Variants in LRRTM3 observed in about 807,000 individuals in gnomAD.
The protein encoded by LRRTM3 is leucine rich repeat transmembrane neuronal 3, also known as leucine-rich repeat transmembrane neuronal protein 3.
Under a neutral mutation model 44.7 loss-of-function variants are expected in LRRTM3, and 24 were observed. The ratio of observed to expected loss-of-function variants is 0.54; its 90% CI spans 0.39 to 0.76. LRRTM3 has a LOEUF of 0.76. LRRTM3 is among the 30% of genes least tolerant of loss of function. The pLI, the probability that LRRTM3 is intolerant of heterozygous loss-of-function variation, is 0.00. For missense variants in LRRTM3, 587 were observed against 702.2 expected (o/e 0.84, Z 1.85); for synonymous variants, 277 against 278.7 (o/e 0.99, Z 0.06).
chr10:66,952,760 G>A (rs375430928), intron 2 of LRRTM3, among the ~76,000 whole-genome samples: 8 of 151,784 alleles, frequency 5.3e-5, no homozygotes, highest in Non-Finnish European at 1.0e-4. Context: ...TCTTCTGCTT[G>A]GTTAGTGCTT....
Position 67,091,769 on chromosome 10 carries a change from G to A in LRRTM3, c.1537-5818G>A, listed in dbSNP as rs544995322. ...CATGGGACATTTGGAACAAGAGACAGGGAGTCAAAGTAGATGGGCAACAAG... is the reference window on the plus strand; with the variant it reads ...CATGGGACATTTGGAACAAGAGACAAGGAGTCAAAGTAGATGGGCAACAAG... On this transcript the variant is annotated intron_variant, in intron 2 of 2. Transcript: ENST00000361320. Among the ~76,000 whole-genome samples, 3 of 152,110 alleles carry A rather than the reference G, an allele frequency of 2.0e-5. No homozygotes were observed. In the East Asian group the frequency reaches 5.8e-4, roughly 30 times the overall value.
intron 2 of LRRTM3, among the ~76,000 whole-genome samples, chr10:66,931,092 G>A (rs1847361145): frequency 6.7e-6 from 1 of 148,502 alleles, no homozygotes; most frequent in South Asian, 2.2e-4. Context: ...ATTTGTATAA[G>A]TATTTCAAGT....
At chr10:66,931,713 G>T (rs1158141680) in intron 2 of LRRTM3, among the ~76,000 whole-genome samples, 1 of 151,952 alleles carries the variant, frequency 6.6e-6, no homozygotes, top group Non-Finnish European at 1.5e-5. Flanking sequence ...TGTAATTTTT[G>T]AATGTTATAC....
At chr10:66,984,604 T>C (rs1358168464) in intron 2 of LRRTM3, among the ~76,000 whole-genome samples, 3 of 152,182 alleles carry the variant, frequency 2.0e-5, no homozygotes, top group Admixed American at 2.0e-4. Flanking sequence ...AATGCGTTCA[T>C]GATTCCTTTT....
chr10:66,969,052 A>AAT (rs1035954702), intron 2 of LRRTM3, among the ~76,000 whole-genome samples: 47 of 151,980 alleles, frequency 3.1e-4, no homozygotes, highest in Non-Finnish European at 8.8e-5. Context: ...ATTATATGTA[A>AAT]ATATATATAT....
intron 2 of LRRTM3, among the ~76,000 whole-genome samples, chr10:67,005,605 T>C (rs1171483455): frequency 1.3e-5 from 2 of 150,280 alleles, no homozygotes; most frequent in African/African-American, 2.4e-5. Context: ...AAAAAAGGTA[T>C]GTGGTCTCAA....
chr10:67,097,292 C>T (rs1443836784), intron 2 of LRRTM3, among the ~76,000 whole-genome samples: 6 of 151,866 alleles, frequency 4.0e-5, no homozygotes, highest in African/African-American at 1.2e-4. Context: ...TTAGCGAAAG[C>T]AATTTTCTGA....
At chr10:66,935,233 T>C (rs538979719) in intron 2 of LRRTM3, among the ~76,000 whole-genome samples, 1 of 152,204 alleles carries the variant, frequency 6.6e-6, no homozygotes, top group East Asian at 1.9e-4. Context: ...CATGTTGATA[T>C]TGAAAAAGTA....
intron 2 of LRRTM3, among the ~76,000 whole-genome samples, chr10:67,070,636 G>C (rs1054106745): frequency 1.3e-5 from 2 of 151,746 alleles, no homozygotes; most frequent in Non-Finnish European, 2.9e-5. Flanking sequence ...CTTCCCAGCT[G>C]CTTGGGAGGC....
intron 2 of LRRTM3, among the ~76,000 whole-genome samples, chr10:67,093,216 A>G (rs912324285): frequency 2.6e-5 from 4 of 151,970 alleles, no homozygotes; most frequent in African/African-American, 9.7e-5. Flanking sequence ...ATGCCTTATT[A>G]GATTTAAATT....
chr10:67,078,518 TA>T (rs200689535), intron 2 of LRRTM3, among the ~76,000 whole-genome samples: 2,347 of 149,588 alleles, frequency 0.016, 61 homozygotes, highest in African/African-American at 0.055. Context: ...ATACCTTTTT[TA>T]TTATTATTAT....
intron 2 of LRRTM3, among the ~76,000 whole-genome samples, chr10:67,000,747 C>T (rs1851634446): frequency 6.6e-6 from 1 of 152,058 alleles, no homozygotes; most frequent in Non-Finnish European, 1.5e-5. Flanking sequence ...CTCCCTCACC[C>T]CACACCTGAC....
chr10:67,030,393 A>G lies in LRRTM3; in HGVS notation c.1537-67194A>G, dbSNP rs1437060805. ...ATTATAAAATTAATGAAATATTTAA[A>G]TAGCTCACCAGTTAAAAATTTAGGC... is the stretch of plus-strand genomic sequence containing the variant. On this transcript the variant is annotated intron_variant, in intron 2 of 2. Coordinates refer to ENST00000361320, the MANE Select transcript of LRRTM3 (RefSeq NM_178011.5). Among the ~76,000 whole-genome samples, 9 of 152,296 alleles carry G rather than the reference A, an allele frequency of 5.9e-5. No homozygotes were observed. The South Asian group carries it at 1.0e-3, about 18-fold the overall frequency.
intron 2 of LRRTM3, among the ~76,000 whole-genome samples, chr10:67,075,570 C>T: frequency 6.6e-6 from 1 of 152,162 alleles, no homozygotes; most frequent in Admixed American, 6.5e-5. Flanking sequence ...TTAACATTTT[C>T]TCAAAGTAAG....
At chr10:67,073,266 T>A (rs1416413203) in intron 2 of LRRTM3, among the ~76,000 whole-genome samples, 1 of 152,202 alleles carries the variant, frequency 6.6e-6, no homozygotes, top group African/African-American at 2.4e-5. Flanking sequence ...TAGCTCTGAT[T>A]AGTTTTTAAA....
Position 66,928,370 on chromosome 10 carries a change from C to A in LRRTM3, c.1454C>A (p.Pro485His), listed in dbSNP as rs776753483. 1 of 1,614,074 alleles carries A rather than the reference C, an allele frequency of 6.2e-7. No individual in the cohort carries two copies. Among genetic ancestry groups the A allele is most frequent in the Non-Finnish European group, 8.5e-7 (1 of 1,180,016 alleles). Reference protein sequence around the residue: ...STQEFYVDYKPTNTETSEMLL... With the variant: ...STQEFYVDYKHTNTETSEMLL... ...CAGGAATTTTATGTAGATTATAAACCCACCAACACGGAGACCAGCGAGATG... is the reference window on the plus strand; with the variant it reads ...CAGGAATTTTATGTAGATTATAAACACACCAACACGGAGACCAGCGAGATG... Residue 485 changes from proline to histidine, a missense_variant, in exon 2 of 3, where the codon CCC becomes CAC. Pro to His is a moderately conservative substitution (Grantham distance 77, BLOSUM62 -2). Transcript: ENST00000361320.
chr10:66,978,552 A>AATATATATATATATATATATATATATAT (rs1554890349), intron 2 of LRRTM3, among the ~76,000 whole-genome samples: 1 of 37,882 alleles, frequency 2.6e-5, no homozygotes, highest in East Asian at 1.8e-3. Context: ...AAAAAAAAAA[A>AATATATATATATATATATATATATATAT]ATATATATAT....
intron 2 of LRRTM3, among the ~76,000 whole-genome samples, chr10:66,937,048 G>C (rs759197115): frequency 1.3e-5 from 2 of 151,956 alleles, no homozygotes; most frequent in Admixed American, 6.6e-5. Context: ...GCCAAGGCAG[G>C]GTAAATAATC....
At chr10:66,963,834 C>A (rs972037787) in intron 2 of LRRTM3, among the ~76,000 whole-genome samples, 4 of 136,794 alleles carry the variant, frequency 2.9e-5, no homozygotes, top group South Asian at 5.0e-4. Flanking sequence ...TTTATCAGTG[C>A]ATAGACATCA....
Sources: allele counts gnomAD v4.1 joint callset (sites outside exome capture counted in the v4.1 genomes callset), GRCh38; gene constraint gnomAD v4.1.1; transcripts MANE v1.5; gene names NCBI Gene and HGNC (gene_info 2026-07-23, HGNC 2026-07-21).